The following CRADD variants were observed in gnomAD, a reference collection of about 807,000 sequenced individuals.
CRADD encodes CARD and death domain containing adaptor protein.
A neutral mutation model predicts 15.5 loss-of-function variants in CRADD; 9 were observed. The ratio of observed to expected loss-of-function variants is 0.58; its 90% CI spans 0.35 to 1.01. The LOEUF (loss-of-function observed/expected upper bound fraction) is 1.01, where lower values mean the gene tolerates loss of function less well. CRADD is among the 50% of genes least tolerant of loss of function. The probability of loss-of-function intolerance (pLI) is 0.02; values close to 1 mark genes in which losing one functional copy is unlikely to be tolerated. For missense variants in CRADD, 227 were observed against 250.3 expected (o/e 0.91, Z 0.63); for synonymous variants, 118 against 107.6 (o/e 1.10, Z -0.60).
At chr12:93,814,534 G>A (rs1180762346) in intron 2 of CRADD, among the ~76,000 whole-genome samples, 4 of 152,176 alleles carry the variant, frequency 2.6e-5, no homozygotes, top group Non-Finnish European at 4.4e-5. Context: ...AGCAAAGGCC[G>A]AGGGTCTGAA....
intron 2 of CRADD, among the ~76,000 whole-genome samples, chr12:93,776,870 C>T (rs919755753): frequency 5.9e-5 from 9 of 152,100 alleles, no homozygotes; most frequent in South Asian, 2.1e-4. Context: ...TTGCTTAGAG[C>T]GGGAGGTGGG....
chr12:93,679,510 G>A (rs1049050806), intron 2 of CRADD, among the ~76,000 whole-genome samples: 2 of 152,168 alleles, frequency 1.3e-5, no homozygotes, highest in African/African-American at 4.8e-5. Flanking sequence ...GATGAAAGTG[G>A]GTAAGGATTT....
chr12:93,807,814 A>G (rs1957557603), intron 2 of CRADD, among the ~76,000 whole-genome samples: 1 of 151,950 alleles, frequency 6.6e-6, no homozygotes, highest in South Asian at 2.1e-4. Flanking sequence ...GTCAGCAAGT[A>G]TTTATCGGGT....
intron 2 of CRADD, among the ~76,000 whole-genome samples, chr12:93,763,600 TC>T (rs1197122066): frequency 1.3e-5 from 2 of 152,250 alleles, no homozygotes; most frequent in Non-Finnish European, 2.9e-5. Context: ...AAATTCCTCT[TC>T]ATTTTTTTTT....
chr12:93,731,148 G>C (rs1956457404), intron 2 of CRADD, among the ~76,000 whole-genome samples: 1 of 152,310 alleles, frequency 6.6e-6, no homozygotes, highest in South Asian at 2.1e-4. Flanking sequence ...GTCTGGGGAG[G>C]CTGTGAAACA....
chr12:93,757,931 A>G (rs907284683), intron 2 of CRADD, among the ~76,000 whole-genome samples: 10 of 152,222 alleles, frequency 6.6e-5, no homozygotes, highest in African/African-American at 2.4e-4. Flanking sequence ...AATGGCTTGG[A>G]CAAGGGTGGC....
At chr12:93,732,995 T>A (rs908865050) in intron 2 of CRADD, among the ~76,000 whole-genome samples, 6 of 152,206 alleles carry the variant, frequency 3.9e-5, no homozygotes, top group Non-Finnish European at 7.3e-5. Context: ...CTTGGGCAAA[T>A]CATTCTGCTC....
chr12:93,679,163 AC>A, intron 2 of CRADD, 91 bp downstream of exon 2: 3 of 1,077,842 alleles, frequency 2.8e-6, no homozygotes, highest in Non-Finnish European at 4.0e-6. Flanking sequence ...TGTTTTTGAG[AC>A]AGAGTCTTGC....
At chr12:93,790,930 C>CACACACACACACAT (rs1957342061) in intron 2 of CRADD, among the ~76,000 whole-genome samples, 1 of 151,912 alleles carries the variant, frequency 6.6e-6, no homozygotes, top group African/African-American at 2.4e-5. Flanking sequence ...CACACACACA[C>CACACACACACACAT]ACACACACAC....
chr12:93,684,913 A>G (rs986374897), intron 2 of CRADD, among the ~76,000 whole-genome samples: 1 of 152,206 alleles, frequency 6.6e-6, no homozygotes, highest in Admixed American at 6.5e-5. Flanking sequence ...ACATCAGCAG[A>G]GGCTCAGTGG....
intron 2 of CRADD, chr12:93,849,157 A>C (rs929366905): frequency 3.3e-5 from 5 of 152,246 alleles, no homozygotes; most frequent in African/African-American, 1.2e-4. Flanking sequence ...GTCCTCTAGC[A>C]CGTGCCTTTC....
chr12:93,810,987 A>C (rs1174739658), intron 2 of CRADD, among the ~76,000 whole-genome samples: 2 of 152,234 alleles, frequency 1.3e-5, no homozygotes, highest in African/African-American at 4.8e-5. Flanking sequence ...TATAGGTATG[A>C]GCCTGTGATA....
At chr12:93,825,773 C>T (rs1957817056) in intron 2 of CRADD, among the ~76,000 whole-genome samples, 1 of 152,170 alleles carries the variant, frequency 6.6e-6, no homozygotes, top group Admixed American at 6.5e-5. Context: ...CAAAAAAGGG[C>T]AAGCAGGATG....
chr12:93,854,483 C>T (rs145551670), downstream of CRADD, among the ~76,000 whole-genome samples: 236 of 152,334 alleles, frequency 1.5e-3, no homozygotes, highest in African/African-American at 5.6e-3. Flanking sequence ...AGTCATGTGC[C>T]AGCTCAGAGT....
intron 2 of CRADD, among the ~76,000 whole-genome samples, chr12:93,692,590 G>GA (rs202123665): frequency 7.1e-4 from 106 of 150,098 alleles, no homozygotes; most frequent in Non-Finnish European, 1.1e-3. Flanking sequence ...AATGTTGATG[G>GA]AAAAAAAAAA....
chr12:93,755,882 T>C (rs1194648304), intron 2 of CRADD, among the ~76,000 whole-genome samples: 1 of 152,206 alleles, frequency 6.6e-6, no homozygotes, highest in Non-Finnish European at 1.5e-5. Context: ...AGGTACAGAT[T>C]GGATATTTTT....
intron 2 of CRADD, among the ~76,000 whole-genome samples, chr12:93,783,253 T>TATTA (rs1957233221): frequency 6.8e-6 from 1 of 147,408 alleles, no homozygotes; most frequent in Non-Finnish European, 1.5e-5. Context: ...TTATTATTAT[T>TATTA]ATTATTATTA....
chr12:93,772,953 C>T (rs2136962404), intron 2 of CRADD, among the ~76,000 whole-genome samples: 1 of 152,278 alleles, frequency 6.6e-6, no homozygotes, highest in Non-Finnish European at 1.5e-5. Flanking sequence ...TGGTAGCAAT[C>T]ATCTCCCAAA....
chr12:93,882,150 G>A (rs1409761187), intron 2 of CRADD, among the ~76,000 whole-genome samples: 7 of 151,752 alleles, frequency 4.6e-5, no homozygotes, highest in East Asian at 1.9e-4. Flanking sequence ...GGCCAGGCAC[G>A]GTGGCTCATG....
Sources: gnomAD v4.1 joint callset for allele counts (sites outside exome capture counted in the v4.1 genomes callset) on GRCh38, gnomAD v4.1.1 for gene constraint, MANE v1.5 for transcripts, NCBI Gene and HGNC (gene_info 2026-07-23, HGNC 2026-07-21) for gene names.